The following SLC7A5 variants were observed in gnomAD, a reference collection of about 807,000 sequenced individuals.
SLC7A5 encodes the protein solute carrier family 7 member 5, also known as large neutral amino acids transporter small subunit 1.
A neutral mutation model predicts 50.2 loss-of-function variants in SLC7A5; 23 were observed. The ratio of observed to expected loss-of-function variants is 0.46; its 90% CI spans 0.33 to 0.65. The LOEUF (loss-of-function observed/expected upper bound fraction) is 0.65, where lower values mean the gene tolerates loss of function less well. SLC7A5 is among the 30% of genes least tolerant of loss of function. The pLI, the probability that SLC7A5 is intolerant of heterozygous loss-of-function variation, is 0.02. For synonymous variants in SLC7A5, 393 were observed against 330.6 expected (o/e 1.19, Z -2.05); for missense variants, 578 against 684.4 (o/e 0.84, Z 1.73).
intron 9 of SLC7A5, 40 bp downstream of exon 9, chr16:87,834,374 G>A (rs2054969803): frequency 1.3e-6 from 2 of 1,546,986 alleles, no homozygotes; most frequent in Non-Finnish European, 1.7e-6. Flanking sequence ...GCTGCCCAGG[G>A]CAGAGGGTAC....
rs1274598898 is a variant in SLC7A5, at chr16:87,833,276, T to C, written c.1469-251A>G. ...CCACCCCTCGCCTGCTTCAGAACCC[T>C]GGGGAGGCAGAGTGCGGCCCCTGGG... On this transcript the variant is annotated intron_variant, in intron 9 of 9. Transcript: ENST00000261622. This position sits in a 1 kb window ranked among gnomAD's most constrained non-coding sequence, Gnocchi z 6.0. 1.3e-5 allele frequency among the ~76,000 whole-genome samples: 2 copies of C among 152,194 alleles called. No individual in the cohort carries two copies. Among genetic ancestry groups the C allele is most frequent in the African/African-American group, 4.8e-5 (2 of 41,452 alleles).
intron 1 of SLC7A5, among the ~76,000 whole-genome samples, chr16:87,865,070 C>T (rs577417128): frequency 3.9e-5 from 6 of 152,274 alleles, no homozygotes; most frequent in African/African-American, 1.4e-4. Flanking sequence ...CCCAACACAC[C>T]TCCCTCTCTC....
intron 5 of SLC7A5, 34 bp downstream of exon 5, chr16:87,839,668 G>A (rs932751926): frequency 1.9e-6 from 3 of 1,612,180 alleles, no homozygotes; most frequent in Non-Finnish European, 2.5e-6. Flanking sequence ...CAGCCTCTCA[G>A]GCCCCTGGTG....
At chr16:87,845,831 C>G (rs2143759934) in intron 2 of SLC7A5, among the ~76,000 whole-genome samples, 1 of 152,300 alleles carries the variant, frequency 6.6e-6, no homozygotes, top group Non-Finnish European at 1.5e-5. Context: ...CTGTGGCTGC[C>G]CTGGCCTCTG....
chr16:87,835,177 G>A (rs1354749740), intron 8 of SLC7A5, among the ~76,000 whole-genome samples: 1 of 152,256 alleles, frequency 6.6e-6, no homozygotes, highest in Non-Finnish European at 1.5e-5. Flanking sequence ...CTTGGACAGG[G>A]CACCCTGGGA....
Position 87,832,920 on chromosome 16 carries a change from C to CT in SLC7A5, c.*49dup, listed in dbSNP as rs1567485164. 1 of 1,513,490 alleles carries CT rather than the reference C, an allele frequency of 6.6e-7. No homozygotes were observed. The highest frequency in any genetic ancestry group is 9.2e-7 in the Non-Finnish European group (1 of 1,088,852). 93.8% of individuals were successfully genotyped at this position (1,513,490 alleles called of 1,614,324 possible). ...GGAGTGGGTTCGAGGAGGTGATCTA[C>CT]TTTAACTGGCCTCTGCGCATGCTCC... is the stretch of plus-strand genomic sequence containing the variant. On this transcript the variant is annotated 3_prime_UTR_variant, in exon 10 of 10. Transcript: ENST00000261622. This position sits in a 1 kb window ranked among gnomAD's most constrained non-coding sequence, Gnocchi z 4.6.
rs967890965 is a variant in SLC7A5 at position 87,862,598 on chromosome 16, G to T, written c.538+6287C>A. Among the ~76,000 whole-genome samples, 1 of 152,234 alleles carries T rather than the reference G, an allele frequency of 6.6e-6. No individual in the cohort carries two copies. Among genetic ancestry groups the T allele is most frequent in the African/African-American group, 2.4e-5 (1 of 41,462 alleles). ...CCCTTGCTCCTTCCTTCTTTTGCCAGAGGAGAAGACAGTGAGGCTGAGGGC... is the reference window on the plus strand; with the variant it reads ...CCCTTGCTCCTTCCTTCTTTTGCCATAGGAGAAGACAGTGAGGCTGAGGGC... On this transcript the variant is annotated intron_variant, in intron 1 of 9. Transcript: ENST00000261622. The surrounding 1 kb of genome is among the most constrained non-coding windows in gnomAD (Gnocchi z 5.3).
intron 1 of SLC7A5, among the ~76,000 whole-genome samples, chr16:87,857,043 C>T (rs1289317049): frequency 6.6e-6 from 1 of 152,192 alleles, no homozygotes; most frequent in South Asian, 2.1e-4. Flanking sequence ...GACCCAGTGA[C>T]CCCTGTCCTC....
In SLC7A5 at chr16:87,852,638, CTG is replaced by C. The variant is rs61164920; in HGVS notation, c.539-791_539-790del. On this transcript the variant is annotated intron_variant, in intron 1 of 9. Transcript: ENST00000261622. This position sits in a 1 kb window ranked among gnomAD's most constrained non-coding sequence, Gnocchi z 4.5. ...CTGTAAGGCACCCAGCTCTGAGCCTCTGTGTGTGTGTGTGTGTGTGTGTGTGT... is the reference window on the plus strand; with the variant it reads ...CTGTAAGGCACCCAGCTCTGAGCCTCTGTGTGTGTGTGTGTGTGTGTGTGT... 0.089 allele frequency among the ~76,000 whole-genome samples: 10,431 copies of C among 116,596 alleles called. 379 individuals are homozygous for C. The highest frequency in any genetic ancestry group is 0.093 in the Non-Finnish European group (5,256 of 56,306). The allele number at this position is 116,596 out of a possible 152,430, so 76.5% of individuals were successfully genotyped here.
At chr16:87,856,087 A>G (rs2055315938) in intron 1 of SLC7A5, among the ~76,000 whole-genome samples, 1 of 152,154 alleles carries the variant, frequency 6.6e-6, no homozygotes, top group Admixed American at 6.5e-5. Context: ...AAACACAGCC[A>G]CTGTGAGTGC....
rs774297574 is a variant in SLC7A5, at chr16:87,838,807, T to C, written c.950A>G (p.Asn317Ser). 10 of 1,613,674 alleles carry C rather than the reference T, an allele frequency of 6.2e-6. No individual in the cohort carries two copies. The highest frequency in any genetic ancestry group is 5.0e-5 in the Admixed American group (3 of 60,004). ...CCAGGACATGACGCCCAGGTGATAG[T>C]TCCCGAAGTCCTAGGCAGGCACAAC... is the stretch of plus-strand genomic sequence containing the variant. ...SSEAVAVDFG[N>S]YHLGVMSWII... Residue 317 changes from asparagine to serine, a missense_variant, in exon 6 of 10, where the codon AAC becomes AGC. Physicochemically the swap from Asn to Ser is conservative, Grantham distance 46 (BLOSUM62 1). Around this residue, in one of 2 missense-constraint regions of SLC7A5, gnomAD observed 465 missense variants for 594.6 expected, o/e 0.78. Transcript: ENST00000261622.
chr16:87,833,062 C>T lies in SLC7A5; in HGVS notation c.1469-37G>A. 6.3e-7 allele frequency: 1 copy of T among 1,598,310 alleles called. No homozygotes were observed. The highest frequency in any genetic ancestry group is 8.6e-7 in the Non-Finnish European group (1 of 1,165,992). ...GAAGACAGCTGTGTTAGCCTGGGGGCTGGGTAGGCACCCGTGGGACACGGG... is the reference window on the plus strand; with the variant it reads ...GAAGACAGCTGTGTTAGCCTGGGGGTTGGGTAGGCACCCGTGGGACACGGG... On this transcript the variant is annotated intron_variant, in intron 9 of 9. Transcript: ENST00000261622. This position sits in a 1 kb window ranked among gnomAD's most constrained non-coding sequence, Gnocchi z 6.0.
intron 4 of SLC7A5, 141 bp from the exon 5 acceptor site, chr16:87,839,966 A>G: frequency 1.7e-6 from 2 of 1,160,124 alleles, no homozygotes; most frequent in Non-Finnish European, 2.5e-6. Context: ...GGAAGCAGCA[A>G]GAGAACACAG....
chr16:87,865,661 C>T (rs901459228), intron 1 of SLC7A5, among the ~76,000 whole-genome samples: 5 of 152,166 alleles, frequency 3.3e-5, no homozygotes, highest in African/African-American at 7.2e-5. Context: ...GAGCCAAGAT[C>T]GTGCCATTGT....
intron 8 of SLC7A5, among the ~76,000 whole-genome samples, chr16:87,834,980 C>A (rs139834423): frequency 2.2e-3 from 332 of 152,368 alleles, no homozygotes; most frequent in African/African-American, 7.7e-3. Context: ...AGGAGACCAC[C>A]CTCTTGGAGA....
chr16:87,838,215 C>G (rs532038040), intron 6 of SLC7A5, among the ~76,000 whole-genome samples: 1 of 152,300 alleles, frequency 6.6e-6, no homozygotes, highest in African/African-American at 2.4e-5. Context: ...GCTGTGTCAC[C>G]TCCAGGCAGG....
intron 5 of SLC7A5, among the ~76,000 whole-genome samples, chr16:87,839,254 G>T (rs1380164303): frequency 6.6e-6 from 1 of 152,164 alleles, no homozygotes; most frequent in African/African-American, 2.4e-5. Context: ...CGGGAACTGC[G>T]AGGCCAGCCT....
intron 1 of SLC7A5, among the ~76,000 whole-genome samples, chr16:87,866,665 C>G (rs1457410796): frequency 6.6e-6 from 1 of 152,116 alleles, no homozygotes; most frequent in Non-Finnish European, 1.5e-5. Flanking sequence ...TGGGGTTTCA[C>G]CATGTTGGCC....
intron 2 of SLC7A5, among the ~76,000 whole-genome samples, chr16:87,842,272 C>T (rs559701910): frequency 7.7e-4 from 117 of 152,302 alleles, no homozygotes; most frequent in African/African-American, 2.6e-3. Context: ...GTCACCAGCC[C>T]GTCTCACAGG....
Sources: allele counts gnomAD v4.1 joint callset (sites outside exome capture counted in the v4.1 genomes callset), GRCh38; gene constraint gnomAD v4.1.1; regional missense constraint gnomAD v4.1.1; non-coding constraint Gnocchi (gnomAD v3.1); transcripts MANE v1.5; gene names NCBI Gene and HGNC (gene_info 2026-07-23, HGNC 2026-07-21).